Variants in SIK2 observed in about 807,000 individuals in gnomAD.
The protein encoded by SIK2 is salt inducible kinase 2.
A neutral mutation model predicts 103.2 loss-of-function variants in SIK2; 29 were observed. The observed-to-expected ratio is 0.28, with a 90% CI of 0.21 to 0.38. SIK2 has a LOEUF of 0.38. Among genes scored for constraint, SIK2 ranks in the 10% least tolerant of loss-of-function variants. The pLI is 1.00. For synonymous variants in SIK2, 412 were observed against 446.1 expected (o/e 0.92, Z 0.96); for missense variants, 879 against 1,171.0 (o/e 0.75, Z 3.64).
At chr11:111,638,782 T>C (rs907702471) in intron 3 of SIK2, among the ~76,000 whole-genome samples, 1 of 152,190 alleles carries the variant, frequency 6.6e-6, no homozygotes, top group African/African-American at 2.4e-5. Context: ...AATTCCATAA[T>C]CTATAAATTC....
Position 111,704,998 on chromosome 11 carries a change from C to G in SIK2, c.960C>G (p.Asn320Lys), listed in dbSNP as rs202169238. ...GTTTTTTATTTCAGTCTTTGCAGAA[C>G]AAGAGCTATAACCACTTTGCTGCCA... ...DQQKTIESLQ[N>K]KSYNHFAAIY... is the part of the protein sequence containing the mutation. The change falls in exon 8 of 15, where the codon AAC becomes AAG. Residue 320 changes from asparagine to lysine, a missense_variant. Transcript: ENST00000304987. 1 of 1,604,674 alleles carries G rather than the reference C, an allele frequency of 6.2e-7. No individual in the cohort carries two copies. The highest frequency in any genetic ancestry group is 8.5e-7 in the Non-Finnish European group (1 of 1,176,608).
At chr11:111,657,927 G>A (rs1168570270) in intron 3 of SIK2, among the ~76,000 whole-genome samples, 10 of 152,038 alleles carry the variant, frequency 6.6e-5, no homozygotes, top group South Asian at 4.1e-4. Flanking sequence ...GCAACTATAC[G>A]TCATGCAGGT....
chr11:111,652,813 A>G (rs1055888136), intron 3 of SIK2, among the ~76,000 whole-genome samples: 1 of 152,174 alleles, frequency 6.6e-6, no homozygotes, highest in African/African-American at 2.4e-5. Context: ...CAAATTGATA[A>G]AATAAATTTG....
chr11:111,609,323 A>AT (rs960814509), intron 1 of SIK2, among the ~76,000 whole-genome samples: 17 of 148,810 alleles, frequency 1.1e-4, no homozygotes, highest in Admixed American at 1.3e-4. Context: ...AGTCAAATCA[A>AT]TTTTTTTTTT....
intron 1 of SIK2, among the ~76,000 whole-genome samples, chr11:111,607,781 GCT>G (rs1941667153): frequency 1.3e-5 from 2 of 152,136 alleles, no homozygotes; most frequent in Admixed American, 1.3e-4. Flanking sequence ...AAAATGATCT[GCT>G]CTTTTTTGGG....
chr11:111,636,503 T>C (rs951392123), intron 3 of SIK2, among the ~76,000 whole-genome samples: 11 of 152,188 alleles, frequency 7.2e-5, no homozygotes, highest in Non-Finnish European at 1.5e-4. Flanking sequence ...GTTTATACTT[T>C]AGTGAGAGTG....
chr11:111,689,404 CA>C (rs1942896111), intron 4 of SIK2, among the ~76,000 whole-genome samples: 1 of 152,050 alleles, frequency 6.6e-6, no homozygotes, highest in African/African-American at 2.4e-5. Context: ...AGGTGGAAGA[CA>C]GGAAGACTAA....
intron 4 of SIK2, among the ~76,000 whole-genome samples, chr11:111,698,696 GCAAGACC>G (rs1943138346): frequency 6.6e-6 from 1 of 152,208 alleles, no homozygotes; most frequent in Admixed American, 6.5e-5. Flanking sequence ...GGGCAACAGA[GCAAGACC>G]CTATCTCAAA....
chr11:111,677,274 C>T (rs1039722980), intron 3 of SIK2, among the ~76,000 whole-genome samples: 3 of 152,168 alleles, frequency 2.0e-5, no homozygotes, highest in Non-Finnish European at 2.9e-5. Flanking sequence ...ATATTGAAAT[C>T]AGTAAGAAAA....
intron 1 of SIK2, among the ~76,000 whole-genome samples, chr11:111,603,276 T>G (rs1470193917): frequency 1.3e-5 from 2 of 152,134 alleles, no homozygotes; most frequent in African/African-American, 2.4e-5. Context: ...CTCCTTCCTT[T>G]TGGCCCAGGG....
intron 2 of SIK2, among the ~76,000 whole-genome samples, chr11:111,618,653 AAC>A (rs1032617897): frequency 6.6e-6 from 1 of 152,188 alleles, no homozygotes; most frequent in African/African-American, 2.4e-5. Flanking sequence ...TAGCCTGGAT[AAC>A]ACAGAGATCC....
In SIK2 at chr11:111,637,761, C is replaced by A. The variant is rs866206465; in HGVS notation, c.316+17359C>A. On this transcript the variant is annotated intron_variant, in intron 3 of 14. Transcript: ENST00000304987. ...ACAGGCATGAGCCACTGCACCCAGC[C>A]TATAATATCTTTATTAAATCTCTCT... Among the ~76,000 whole-genome samples, 3 of 152,218 alleles carry A rather than the reference C, an allele frequency of 2.0e-5. No individual in the cohort carries two copies. In the East Asian group the frequency reaches 5.8e-4, roughly 29 times the overall value.
At chr11:111,634,967 C>A (rs911902616) in intron 3 of SIK2, among the ~76,000 whole-genome samples, 1 of 152,166 alleles carries the variant, frequency 6.6e-6, no homozygotes, top group African/African-American at 2.4e-5. Context: ...TTAGACTATC[C>A]TTGGCTGTAA....
chr11:111,684,263 A>G (rs147947876), intron 3 of SIK2, among the ~76,000 whole-genome samples: 1 of 152,304 alleles, frequency 6.6e-6, no homozygotes, highest in African/African-American at 2.4e-5. Context: ...TCAAAAAACA[A>G]TAACTATAGA....
chr11:111,642,731 G>T (rs1942200273), intron 3 of SIK2, among the ~76,000 whole-genome samples: 2 of 152,272 alleles, frequency 1.3e-5, no homozygotes, highest in South Asian at 4.1e-4. Context: ...CTAGTCACAT[G>T]GTTGGTTCCT....
At chr11:111,624,977 A>T (rs1941942572) in intron 3 of SIK2, among the ~76,000 whole-genome samples, 1 of 152,072 alleles carries the variant, frequency 6.6e-6, no homozygotes, top group South Asian at 2.1e-4. Context: ...CTGAGGCAGC[A>T]GTGTGCTTGG....
chr11:111,706,959 CAAAAAAA>C (rs763828886), intron 8 of SIK2, among the ~76,000 whole-genome samples: 3 of 52,112 alleles, frequency 5.8e-5, no homozygotes, highest in Non-Finnish European at 8.0e-5. Flanking sequence ...GACTCCGTCT[CAAAAAAA>C]AAAAAAAAAA....
intron 3 of SIK2, among the ~76,000 whole-genome samples, chr11:111,639,593 T>C (rs1044048169): frequency 1.1e-4 from 16 of 152,380 alleles, no homozygotes; most frequent in Admixed American, 1.0e-3. Context: ...ATTCCATTTA[T>C]TTGTTAACCC....
chr11:111,719,356 C>CTT (rs10595659), intron 9 of SIK2, among the ~76,000 whole-genome samples: 1 of 118,850 alleles, frequency 8.4e-6, no homozygotes, highest in African/African-American at 3.2e-5. Flanking sequence ...GTGACTACCC[C>CTT]TTTTTTTTTT....
Sources: allele counts gnomAD v4.1 joint callset (sites outside exome capture counted in the v4.1 genomes callset), GRCh38; gene constraint gnomAD v4.1.1; transcripts MANE v1.5; gene names NCBI Gene and HGNC (gene_info 2026-07-23, HGNC 2026-07-21).